Variants in SPON2 observed in about 807,000 individuals in gnomAD.
SPON2 encodes the protein spondin 2.
A neutral mutation model predicts 29.9 loss-of-function variants in SPON2; 32 were observed. That is an observed-to-expected ratio of 1.07 (90% confidence interval 0.81 to 1.44). SPON2 has a LOEUF of 1.44. Among genes scored for constraint, SPON2 ranks in the 40% most tolerant of loss-of-function variants. The pLI is 0.00. For synonymous variants in SPON2, 248 were observed against 209.1 expected, an observed-to-expected ratio of 1.19 and a Z score of -1.61; for missense variants, 541 against 455.5, an observed-to-expected ratio of 1.19 and a Z score of -1.71.
intron 1 of SPON2, among the ~76,000 whole-genome samples, chr4:1,190,333 G>A (rs1349006556): frequency 1.3e-5 from 2 of 150,742 alleles, no homozygotes; most frequent in African/African-American, 4.9e-5. Flanking sequence ...GAAAAGCCCA[G>A]GATGAGATGG....
intron 1 of SPON2, among the ~76,000 whole-genome samples, chr4:1,200,267 C>T (rs946337096): frequency 6.6e-6 from 1 of 152,208 alleles, no homozygotes; most frequent in Non-Finnish European, 1.5e-5. Context: ...TCACTCAACA[C>T]CCCCAGAGAC....
Position 1,192,231 on chromosome 4 carries a change from C to T in SPON2, c.-239+2759G>A, listed in dbSNP as rs541823828. Among the ~76,000 whole-genome samples, 32 of 152,320 alleles carry T rather than the reference C, an allele frequency of 2.1e-4. No homozygotes were observed. The South Asian group carries it at 6.2e-3, about 30-fold the overall frequency. ...CCACATGCTTTAGCACAGAGATAATCCCTTTCCTCGTGACCCACAGCCAGC... is the reference window on the plus strand; with the variant it reads ...CCACATGCTTTAGCACAGAGATAATTCCTTTCCTCGTGACCCACAGCCAGC... On this transcript the variant is annotated intron_variant, in intron 1 of 3. Transcript: ENST00000502483.
In SPON2 at chr4:1,171,170, G is replaced by C; in HGVS notation, c.465C>G (p.Ile155Met). 6.5e-7 allele frequency: 1 copy of C among 1,546,764 alleles called. No homozygotes were observed. Among genetic ancestry groups the C allele is most frequent in the Non-Finnish European group, 8.7e-7 (1 of 1,147,814 alleles). Residue 155 changes from isoleucine to methionine, a missense_variant, in exon 4 of 6, where the codon ATC becomes ATG. Coordinates refer to ENST00000290902, the MANE Select transcript of SPON2 (RefSeq NM_012445.4). ...CCACGAACCAGTCGGGGCTGGGCACGATGCGCACCACAAACGAGACCTGCG... is the reference window on the plus strand; with the variant it reads ...CCACGAACCAGTCGGGGCTGGGCACCATGCGCACCACAAACGAGACCTGCG... ...RHSLVSFVVR[I>M]VPSPDWFVGV...
upstream of SPON2, among the ~76,000 whole-genome samples, chr4:1,195,920 C>T (rs868081560): frequency 6.6e-6 from 1 of 152,220 alleles, no homozygotes; most frequent in Non-Finnish European, 1.5e-5. Context: ...AGGCGTGAGC[C>T]CCACGCCTGG....
At chr4:1,184,669 T>C (rs1727758987) in intron 1 of SPON2, among the ~76,000 whole-genome samples, 1 of 152,136 alleles carries the variant, frequency 6.6e-6, no homozygotes, top group African/African-American at 2.4e-5. Flanking sequence ...GCACGGTGGC[T>C]CATGCCTGTA....
At chr4:1,180,367 G>A (rs189351594) in intron 1 of SPON2, among the ~76,000 whole-genome samples, 3 of 152,278 alleles carry the variant, frequency 2.0e-5, no homozygotes, top group African/African-American at 4.8e-5. Flanking sequence ...ATTCAGAAAA[G>A]TTAATAATAA....
At chr4:1,174,846 G>A (rs1238311669), upstream of SPON2, among the ~76,000 whole-genome samples, 1 of 152,216 alleles carries the variant, frequency 6.6e-6, no homozygotes, top group Non-Finnish European at 1.5e-5. Context: ...GCTGTTGGTT[G>A]AAGTCTATGA....
chr4:1,174,161 G>C (rs1021145362), upstream of SPON2, among the ~76,000 whole-genome samples: 1 of 151,726 alleles, frequency 6.6e-6, no homozygotes, highest in African/African-American at 2.4e-5. Context: ...GCCAGGGGAG[G>C]TCAAGCCTGC....
chr4:1,168,876 G>C (rs1482293035), intron 5 of SPON2, among the ~76,000 whole-genome samples: 2 of 152,208 alleles, frequency 1.3e-5, no homozygotes, highest in Non-Finnish European at 2.9e-5. Flanking sequence ...ACCTGGCGGA[G>C]CCTCCTGGGT....
At chr4:1,194,700 C>A (rs1728002890) in intron 1 of SPON2, among the ~76,000 whole-genome samples, 1 of 152,136 alleles carries the variant, frequency 6.6e-6, no homozygotes, top group Non-Finnish European at 1.5e-5. Context: ...CCCAGCCTCG[C>A]TGGTGGCCTG....
chr4:1,196,070 C>A (rs1422769962), upstream of SPON2, among the ~76,000 whole-genome samples: 2 of 152,188 alleles, frequency 1.3e-5, no homozygotes, highest in African/African-American at 4.8e-5. Flanking sequence ...GCCAGGACCG[C>A]CCCCTCTGGC....
chr4:1,167,378 C>G lies in SPON2; in HGVS notation c.*94G>C. 1.5e-6 allele frequency: 2 copies of G among 1,333,764 alleles called. No homozygotes were observed. Among genetic ancestry groups the G allele is most frequent in the South Asian group, 1.4e-5 (1 of 71,720 alleles). The allele number at this position is 1,333,764 out of a possible 1,614,324, so 82.6% of individuals were successfully genotyped here. A position where few individuals can be genotyped will look rare whatever the true frequency, so the allele number is the denominator to read the frequency against. On this transcript the variant is annotated 3_prime_UTR_variant, in exon 6 of 6. Transcript: ENST00000290902. ...CCGCGGTCAGGAGCAGCGCGAAACCCCCTGTGCCCTCGGCCGCCTGCAGCA... is the reference window on the plus strand; with the variant it reads ...CCGCGGTCAGGAGCAGCGCGAAACCGCCTGTGCCCTCGGCCGCCTGCAGCA...
chr4:1,180,402 G>A (rs1653041203), intron 1 of SPON2, among the ~76,000 whole-genome samples: 3 of 152,046 alleles, frequency 2.0e-5, no homozygotes, highest in African/African-American at 7.2e-5. Context: ...TGGGGGAATG[G>A]AGGTGTATCT....
intron 1 of SPON2, among the ~76,000 whole-genome samples, chr4:1,191,502 G>A (rs540434892): frequency 6.6e-6 from 1 of 152,248 alleles, no homozygotes; most frequent in Non-Finnish European, 1.5e-5. Flanking sequence ...TAAAAGTCGT[G>A]AGTTTTGGCC....
At chr4:1,184,074 C>G (rs1727748836) in intron 1 of SPON2, among the ~76,000 whole-genome samples, 2 of 152,128 alleles carry the variant, frequency 1.3e-5, no homozygotes, top group African/African-American at 4.8e-5. Context: ...GCCTCTCAGG[C>G]TCAGGTGATT....
At chr4:1,203,086 G>T (rs1728252750) in intron 1 of SPON2, among the ~76,000 whole-genome samples, 1 of 152,202 alleles carries the variant, frequency 6.6e-6, no homozygotes, top group Non-Finnish European at 1.5e-5. Flanking sequence ...ATGTGAGGCT[G>T]GATACGCCAT....
At chr4:1,177,051 G>A (rs909177414), upstream of SPON2, among the ~76,000 whole-genome samples, 1 of 152,252 alleles carries the variant, frequency 6.6e-6, no homozygotes, top group African/African-American at 2.4e-5. Context: ...TTAGTGAATT[G>A]GTTGACAGCA....
At chr4:1,178,532 G>A (rs1727648492) in intron 2 of SPON2, among the ~76,000 whole-genome samples, 2 of 152,050 alleles carry the variant, frequency 1.3e-5, no homozygotes, top group Admixed American at 1.3e-4. Context: ...ACCCCTGGCT[G>A]CTCACACCTC....
chr4:1,194,620 C>G (rs566123081), intron 1 of SPON2, among the ~76,000 whole-genome samples: 2 of 152,314 alleles, frequency 1.3e-5, no homozygotes, highest in African/African-American at 2.4e-5. Context: ...AAGAGTCCCC[C>G]TGCTCTGGCC....
Sources: gnomAD v4.1 joint callset for allele counts (sites outside exome capture counted in the v4.1 genomes callset) on GRCh38, gnomAD v4.1.1 for gene constraint, MANE v1.5 for transcripts, NCBI Gene and HGNC (gene_info 2026-07-23, HGNC 2026-07-21) for gene names.